The following KDM4C variants were observed in gnomAD, a reference collection of about 807,000 sequenced individuals.
The protein encoded by KDM4C is lysine-specific demethylase 4C.
Under a neutral mutation model 129.3 loss-of-function variants are expected in KDM4C, and 81 were observed. The ratio of observed to expected loss-of-function variants is 0.63; its 90% CI spans 0.52 to 0.75. KDM4C has a LOEUF of 0.75. KDM4C is among the 30% of genes least tolerant of loss of function. KDM4C has a pLI of 0.00. For synonymous variants in KDM4C, 573 were observed against 456.1 expected (o/e 1.26, Z -3.26); for missense variants, 1,457 against 1,304.0 (o/e 1.12, Z -1.81).
intron 8 of KDM4C, among the ~76,000 whole-genome samples, chr9:6,917,691 TC>T (rs1820575078): frequency 1.3e-5 from 2 of 152,182 alleles, no homozygotes; most frequent in Admixed American, 6.5e-5. Context: ...CCTGTCTCCA[TC>T]CTCATTCTTT....
At chr9:7,071,764 GA>G (rs1200541572) in intron 17 of KDM4C, among the ~76,000 whole-genome samples, 2 of 151,972 alleles carry the variant, frequency 1.3e-5, no homozygotes, top group Non-Finnish European at 2.9e-5. Flanking sequence ...TAAAACAATT[GA>G]AAAATTGAGC....
intron 17 of KDM4C, among the ~76,000 whole-genome samples, chr9:7,059,345 C>T (rs1209726385): frequency 6.6e-6 from 1 of 152,126 alleles, no homozygotes; most frequent in Non-Finnish European, 1.5e-5. Flanking sequence ...TCAAGCAGTC[C>T]TCCCGCCTCG....
intron 8 of KDM4C, among the ~76,000 whole-genome samples, chr9:6,980,647 C>T (rs766230222): frequency 2.6e-5 from 4 of 152,140 alleles, no homozygotes; most frequent in Non-Finnish European, 5.9e-5. Flanking sequence ...TGCAGGCGTG[C>T]TTCCAAATGA....
intron 19 of KDM4C, among the ~76,000 whole-genome samples, chr9:7,152,479 G>C (rs1235206288): frequency 6.6e-6 from 1 of 152,188 alleles, no homozygotes; most frequent in Non-Finnish European, 1.5e-5. Flanking sequence ...TCGCTTACAT[G>C]AGGTACCTAG....
At chr9:6,822,110 G>T (rs1220729399) in intron 4 of KDM4C, among the ~76,000 whole-genome samples, 1 of 152,186 alleles carries the variant, frequency 6.6e-6, no homozygotes, top group African/African-American at 2.4e-5. Context: ...CAGCCTTTGG[G>T]TATATATTGA....
chr9:6,741,729 T>A (rs1817704706), intron 1 of KDM4C, among the ~76,000 whole-genome samples: 1 of 150,982 alleles, frequency 6.6e-6, no homozygotes, highest in African/African-American at 2.4e-5. Flanking sequence ...AGCACTTTTT[T>A]TTTTTACTTT....
At chr9:6,774,333 T>G (rs1371328178) in intron 1 of KDM4C, among the ~76,000 whole-genome samples, 1 of 152,160 alleles carries the variant, frequency 6.6e-6, no homozygotes, top group Non-Finnish European at 1.5e-5. Context: ...ATTTAAAAAC[T>G]CAAGAGTAAT....
chr9:6,838,756 A>G (rs1278297408), intron 4 of KDM4C, among the ~76,000 whole-genome samples: 2 of 152,190 alleles, frequency 1.3e-5, no homozygotes, highest in African/African-American at 4.8e-5. Context: ...TTTAAGGAGT[A>G]CATTTTTAGA....
At chr9:6,743,550 C>T (rs894884699) in intron 1 of KDM4C, among the ~76,000 whole-genome samples, 1 of 151,710 alleles carries the variant, frequency 6.6e-6, no homozygotes, top group Non-Finnish European at 1.5e-5. Context: ...CTCTGTCACC[C>T]AGGCTGGAGT....
chr9:6,885,864 T>C (rs1310415984), intron 6 of KDM4C, among the ~76,000 whole-genome samples: 1 of 152,234 alleles, frequency 6.6e-6, no homozygotes, highest in Non-Finnish European at 1.5e-5. Flanking sequence ...ATTCTTAATA[T>C]ACTGCAAATT....
intron 7 of KDM4C, among the ~76,000 whole-genome samples, chr9:6,891,876 G>A (rs1180773982): frequency 6.6e-6 from 1 of 151,650 alleles, no homozygotes; most frequent in South Asian, 2.1e-4. Context: ...AGAAAATAGG[G>A]GCATGGGATA....
chr9:7,172,732 G>A (rs551713256), intron 21 of KDM4C, among the ~76,000 whole-genome samples: 2 of 152,292 alleles, frequency 1.3e-5, no homozygotes, highest in East Asian at 3.9e-4. Context: ...TTGTTTTCAG[G>A]CTTCCTTGTG....
chr9:6,779,105 T>G (rs1279006803), intron 1 of KDM4C, among the ~76,000 whole-genome samples: 1 of 149,944 alleles, frequency 6.7e-6, no homozygotes, highest in South Asian at 2.1e-4. Context: ...CTTGGCTCAC[T>G]GCAAGCTCCA....
At chr9:6,739,481 A>C (rs747890522) in intron 1 of KDM4C, among the ~76,000 whole-genome samples, 4 of 152,128 alleles carry the variant, frequency 2.6e-5, no homozygotes, top group Non-Finnish European at 4.4e-5. Flanking sequence ...TGTTTACACT[A>C]AGGCTTCACT....
At chr9:6,798,807 T>C (rs1478143615) in intron 2 of KDM4C, among the ~76,000 whole-genome samples, 3 of 149,214 alleles carry the variant, frequency 2.0e-5, no homozygotes, top group African/African-American at 5.0e-5. Flanking sequence ...CACTTCCCCG[T>C]AGGGGCGGCC....
chr9:6,941,746 A>G (rs1825978132), intron 8 of KDM4C: 1 of 152,228 alleles, frequency 6.6e-6, no homozygotes, highest in Non-Finnish European at 1.5e-5. Flanking sequence ...AGCTGAATCT[A>G]CATCACATTC....
intron 8 of KDM4C, among the ~76,000 whole-genome samples, chr9:6,951,093 G>A (rs1033209148): frequency 6.6e-6 from 1 of 151,876 alleles, no homozygotes; most frequent in Non-Finnish European, 1.5e-5. Context: ...ACATAGTGAT[G>A]TTTTAATACA....
At chr9:7,031,561 T>A (rs1826777600) in intron 15 of KDM4C, among the ~76,000 whole-genome samples, 1 of 152,216 alleles carries the variant, frequency 6.6e-6, no homozygotes, top group Admixed American at 6.5e-5. Context: ...GAATGGAATA[T>A]ACAATTGGAG....
At chr9:7,151,962 T>C (rs976144936) in intron 19 of KDM4C, among the ~76,000 whole-genome samples, 1 of 152,220 alleles carries the variant, frequency 6.6e-6, no homozygotes, top group African/African-American at 2.4e-5. Flanking sequence ...GAATGTATAG[T>C]TTAGGCTGCG....
Sources: gnomAD v4.1 joint callset for allele counts (sites outside exome capture counted in the v4.1 genomes callset) on GRCh38, gnomAD v4.1.1 for gene constraint, MANE v1.5 for transcripts, NCBI Gene and HGNC (gene_info 2026-07-23, HGNC 2026-07-21) for gene names.